Variants in QRICH1 observed in about 807,000 individuals in gnomAD.
QRICH1 encodes the protein transcriptional regulator QRICH1.
Under a neutral mutation model 87.1 loss-of-function variants are expected in QRICH1, and 16 were observed. The observed-to-expected ratio is 0.18, with a 90% CI of 0.12 to 0.28. The LOEUF (loss-of-function observed/expected upper bound fraction) is 0.28, where lower values mean the gene tolerates loss of function less well. Among genes scored for constraint, QRICH1 ranks in the 10% least tolerant of loss-of-function variants. The pLI, the probability that QRICH1 is intolerant of heterozygous loss-of-function variation, is 1.00. For synonymous variants in QRICH1, 367 were observed against 368.4 expected (o/e 1.00, Z 0.05); for missense variants, 647 against 951.7 (o/e 0.68, Z 4.21).
chr3:49,087,917 AT>A (rs1370499337), intron 1 of QRICH1, among the ~76,000 whole-genome samples: 8 of 148,384 alleles, frequency 5.4e-5, no homozygotes, highest in African/African-American at 9.9e-5. Flanking sequence ...ATGGAAATTG[AT>A]TTTTTTTCCA....
intron 5 of QRICH1, among the ~76,000 whole-genome samples, chr3:49,045,626 G>A (rs1317673867): frequency 6.6e-6 from 1 of 151,046 alleles, no homozygotes; most frequent in African/African-American, 2.4e-5. Context: ...TTCAGACAGG[G>A]TCTCACTCTG....
chr3:49,094,151 G>C, upstream of QRICH1: 1 of 397,464 alleles, frequency 2.5e-6, no homozygotes, highest in Admixed American at 4.4e-5. Flanking sequence ...CAAAATTAAA[G>C]TGAACGCTTC....
chr3:49,093,857 C>A (rs1487063613), intron 1 of QRICH1, 55 bp downstream of exon 1: 2 of 376,452 alleles, frequency 5.3e-6, no homozygotes, highest in Non-Finnish European at 9.4e-6. Context: ...TGGGGTGGGC[C>A]CCCCGTCTCA....
At chr3:49,087,874 C>CATATGTTT (rs1395654990) in intron 1 of QRICH1, among the ~76,000 whole-genome samples, 2 of 136,760 alleles carry the variant, frequency 1.5e-5, no homozygotes, top group Non-Finnish European at 3.1e-5. Flanking sequence ...GAAATAACTC[C>CATATGTTT]ATATGTTTAT....
intron 2 of QRICH1, among the ~76,000 whole-genome samples, chr3:49,063,317 A>G (rs1274151482): frequency 6.6e-6 from 1 of 152,204 alleles, no homozygotes; most frequent in Non-Finnish European, 1.5e-5. Flanking sequence ...TCAGAAATAC[A>G]AATTGTCAGG....
intron 1 of QRICH1, among the ~76,000 whole-genome samples, chr3:49,084,959 G>A (rs560969841): frequency 2.0e-5 from 3 of 151,768 alleles, no homozygotes; most frequent in East Asian, 1.9e-4. Context: ...TGGCTATCAC[G>A]GTGAAACCCC....
At chr3:49,072,544 A>C (rs915851541) in intron 2 of QRICH1, among the ~76,000 whole-genome samples, 1 of 151,486 alleles carries the variant, frequency 6.6e-6, no homozygotes, top group African/African-American at 2.4e-5. Flanking sequence ...AAAAAAAAAA[A>C]CTCTCCATAT....
intron 6 of QRICH1, among the ~76,000 whole-genome samples, chr3:49,042,990 C>A (rs1011957047): frequency 6.6e-6 from 1 of 152,000 alleles, no homozygotes; most frequent in African/African-American, 2.4e-5. Flanking sequence ...TAAACCAGAA[C>A]GTACAACACA....
At chr3:49,090,553 G>A (rs1434437991) in intron 1 of QRICH1, among the ~76,000 whole-genome samples, 3 of 149,220 alleles carry the variant, frequency 2.0e-5, no homozygotes, top group African/African-American at 2.5e-5. Context: ...GCTTGAACCC[G>A]GAAGGTGGAG....
intron 1 of QRICH1, among the ~76,000 whole-genome samples, chr3:49,087,554 T>G (rs1260179521): frequency 6.7e-6 from 1 of 149,590 alleles, no homozygotes; most frequent in East Asian, 2.0e-4. Flanking sequence ...CAAAAAATAA[T>G]AAGAAAAATA....
chr3:49,053,980 G>A (rs995101874), intron 3 of QRICH1, among the ~76,000 whole-genome samples: 1 of 152,104 alleles, frequency 6.6e-6, no homozygotes, highest in African/African-American at 2.4e-5. Flanking sequence ...AGGGGAGAGG[G>A]ATGTTTGTGG....
chr3:49,067,976 CAA>C (rs776793555), intron 2 of QRICH1, among the ~76,000 whole-genome samples: 66 of 151,396 alleles, frequency 4.4e-4, no homozygotes, highest in African/African-American at 1.5e-3. Context: ...TGGAAACAAA[CAA>C]AAAAAACAAC....
intron 6 of QRICH1, among the ~76,000 whole-genome samples, chr3:49,043,950 A>G (rs952684056): frequency 6.6e-6 from 1 of 152,224 alleles, no homozygotes; most frequent in South Asian, 2.1e-4. Context: ...GGCCCATCTC[A>G]GCAACATACC....
rs2093408063 is a variant in QRICH1 at position 49,057,270 on chromosome 3, G to A, written c.930C>T (p.Thr310=). 3 of 1,614,202 alleles carry A rather than the reference G, an allele frequency of 1.9e-6. No individual in the cohort carries two copies. The highest frequency in any genetic ancestry group is 4.5e-5 in the East Asian group (2 of 44,878). ...GGGGCTGGGCAGAATAAACAGGGATGGTCCAGGTTTCTCCTGTAGGGCTAG... is the reference window on the plus strand; with the variant it reads ...GGGGCTGGGCAGAATAAACAGGGATAGTCCAGGTTTCTCCTGTAGGGCTAG... ...TITSPTGETW[T]IPVYSAQPRG... Residue 310 remains threonine, a synonymous_variant, in exon 3 of 10, where the codon ACC becomes ACT. Transcript: ENST00000395443. This position sits in a 1 kb window ranked among gnomAD's most constrained non-coding sequence, Gnocchi z 5.4.
At chr3:49,060,043 C>G (rs550705710) in intron 2 of QRICH1, among the ~76,000 whole-genome samples, 1 of 151,504 alleles carries the variant, frequency 6.6e-6, no homozygotes, top group South Asian at 2.1e-4. Flanking sequence ...TGCCACCACG[C>G]CCGGCTGATT....
intron 1 of QRICH1, among the ~76,000 whole-genome samples, chr3:49,090,166 T>C (rs1315901307): frequency 2.0e-5 from 3 of 150,716 alleles, no homozygotes; most frequent in Non-Finnish European, 4.4e-5. Context: ...TACAAAAAAT[T>C]AGCCAGACAT....
intron 9 of QRICH1, among the ~76,000 whole-genome samples, chr3:49,031,480 T>C (rs1010166642): frequency 3.3e-5 from 5 of 152,172 alleles, no homozygotes; most frequent in African/African-American, 4.8e-5. Context: ...GGTGCTGATA[T>C]TTAAAAAAAT....
At chr3:49,038,679 A>C (rs1014115710) in intron 6 of QRICH1, among the ~76,000 whole-genome samples, 7 of 152,158 alleles carry the variant, frequency 4.6e-5, no homozygotes, top group Admixed American at 3.3e-4. Context: ...AGCCTCACAA[A>C]GTGCTGGGAA....
chr3:49,083,477 T>C (rs1429078484), intron 1 of QRICH1: 4 of 151,998 alleles, frequency 2.6e-5, no homozygotes, highest in Non-Finnish European at 1.5e-5. Flanking sequence ...AGTAGAATCC[T>C]GTCTGTGGAT....
Sources: allele counts gnomAD v4.1 joint callset (sites outside exome capture counted in the v4.1 genomes callset), GRCh38; gene constraint gnomAD v4.1.1; non-coding constraint Gnocchi (gnomAD v3.1); transcripts MANE v1.5; gene names NCBI Gene and HGNC (gene_info 2026-07-23, HGNC 2026-07-21).